Variants in GAS2L3 observed in about 807,000 individuals in gnomAD.
The protein encoded by GAS2L3 is GAS2-like protein 3.
GAS2L3 carries 28 observed loss-of-function variants against 37.0 expected under a neutral mutation model. That is an observed-to-expected ratio of 0.76 (90% CI 0.56 to 1.04). The LOEUF is 1.04. GAS2L3 is among the 50% of genes least tolerant of loss of function. GAS2L3 has a pLI of 0.00. For missense variants in GAS2L3, 793 were observed against 817.6 expected, an observed-to-expected ratio of 0.97 and a Z score of 0.37; for synonymous variants, 290 against 296.6, an observed-to-expected ratio of 0.98 and a Z score of 0.23.
Position 100,600,423 on chromosome 12 carries a change from T to A in GAS2L3, c.60T>A (p.Pro20=), listed in dbSNP as rs75592061. 1,864 of 1,609,336 alleles carry A rather than the reference T, an allele frequency of 1.2e-3. 15 individuals carry two copies. In the East Asian group the frequency reaches 0.022, roughly 19 times the overall value. ...GEDLPLSPRS[P]LTPRHGPGLA... is the part of the protein sequence containing the mutation. ...ATCTGCCTCTAAGTCCTCGGAGTCCTCTGACTCCCAGACACGGACCAGGAT... is the reference window on the plus strand; with the variant it reads ...ATCTGCCTCTAAGTCCTCGGAGTCCACTGACTCCCAGACACGGACCAGGAT... Residue 20 remains proline (P), a synonymous_variant, in exon 4 of 10, where the codon CCT becomes CCA. Coordinates refer to ENST00000547754, the MANE Select transcript of GAS2L3 (RefSeq NM_174942.3).
At chr12:100,599,724 G>A (rs114832172) in intron 3 of GAS2L3, among the ~76,000 whole-genome samples, 141 of 152,238 alleles carry the variant, frequency 9.3e-4, no homozygotes, top group African/African-American at 3.3e-3. Flanking sequence ...AATGCCAGAT[G>A]CTACAAACAT....
intron 6 of GAS2L3, among the ~76,000 whole-genome samples, chr12:100,614,682 C>A (rs1956165674): frequency 6.6e-6 from 1 of 152,144 alleles, no homozygotes; most frequent in South Asian, 2.1e-4. Flanking sequence ...CAATTAGTCC[C>A]AGTTATTCTC....
At chr12:100,613,285 A>T (rs543370646) in intron 6 of GAS2L3, among the ~76,000 whole-genome samples, 7 of 152,194 alleles carry the variant, frequency 4.6e-5, no homozygotes, top group Non-Finnish European at 1.0e-4. Flanking sequence ...CACTGCCAAT[A>T]CCAGTAATTC....
Position 100,625,539 on chromosome 12 carries a change from C to A in GAS2L3, c.*649C>A, listed in dbSNP as rs1317134800. ...TATTTACATTGGTAATATTTTGTCA[C>A]CAATATTTTTGGTTAAAAAAAATCC... is the stretch of plus-strand genomic sequence containing the variant. On this transcript the variant is annotated 3_prime_UTR_variant, in exon 10 of 10. Transcript: ENST00000547754. The A allele has an allele frequency of 6.6e-6, 1 of 151,726 alleles. No individual in the cohort carries two copies. The highest frequency in any genetic ancestry group is 1.5e-5 in the Non-Finnish European group (1 of 67,960). 9.4% of individuals were successfully genotyped at this position (151,726 alleles called of 1,614,324 possible).
At chr12:100,606,781 C>A (rs1473145432) in intron 5 of GAS2L3, among the ~76,000 whole-genome samples, 4 of 151,866 alleles carry the variant, frequency 2.6e-5, no homozygotes, top group South Asian at 2.1e-4. Context: ...CTAACTTTAT[C>A]CCCTTGCTTT....
chr12:100,623,725 C>G lies in GAS2L3; in HGVS notation c.920C>G (p.Ser307Trp), dbSNP rs778139968. ...KGVSNESVPD[S>W]PARTPQPPEM... ...GTTTCTAATGAAAGTGTACCTGATT[C>G]GCCTGCCAGAACACCTCAGCCTCCT... Residue 307 changes from serine to tryptophan, a missense_variant, in exon 10 of 10, where the codon TCG (serine) becomes TGG (tryptophan). By Grantham distance (177) the Ser-to-Trp change is radical (BLOSUM62 -3). Coordinates refer to ENST00000547754, the MANE Select transcript of GAS2L3 (RefSeq NM_174942.3). 3 of 1,613,742 alleles carry G rather than the reference C, an allele frequency of 1.9e-6. No homozygotes were observed. Among genetic ancestry groups the G allele is most frequent in the South Asian group, 2.2e-5 (2 of 91,074 alleles).
rs1265288920 is a variant in GAS2L3, at chr12:100,624,900, CATT to C, written c.*13_*15del. On this transcript the variant is annotated 3_prime_UTR_variant, in exon 10 of 10. Coordinates refer to ENST00000547754, the MANE Select transcript of GAS2L3 (RefSeq NM_174942.3). ...GAAACCTAGAAAATAAATACATACT[CATT>C]ATAAAAAAAGAGAAAAGGAAGAATG... is the stretch of plus-strand genomic sequence containing the variant. 2.0e-6 allele frequency: 3 copies of C among 1,519,014 alleles called. No individual in the cohort carries two copies. The African/African-American group carries it at 4.2e-5, about 21-fold the overall frequency. The allele number at this position is 1,519,014 out of a possible 1,614,324, so 94.1% of individuals were successfully genotyped here.
chr12:100,610,433 A>T (rs955822706), intron 5 of GAS2L3, among the ~76,000 whole-genome samples: 1 of 152,122 alleles, frequency 6.6e-6, no homozygotes, highest in Non-Finnish European at 1.5e-5. Context: ...AGATACAAAT[A>T]TGTGTGTAGT....
chr12:100,610,573 C>T (rs1160926774), intron 5 of GAS2L3, among the ~76,000 whole-genome samples: 1 of 150,312 alleles, frequency 6.7e-6, no homozygotes, highest in Non-Finnish European at 1.5e-5. Flanking sequence ...AAAAAAAACT[C>T]CTAACGTTAT....
chr12:100,608,553 G>T (rs7306116), intron 5 of GAS2L3, among the ~76,000 whole-genome samples: 24,390 of 151,852 alleles, frequency 0.16, 2,840 homozygotes, highest in East Asian at 0.48. Context: ...ACGGAGTCTC[G>T]CTCTGTCGCC....
chr12:100,590,196 C>T lies in GAS2L3; in HGVS notation c.-151-1540C>T, dbSNP rs141899404. On this transcript the variant is annotated intron_variant, in intron 1 of 9. Coordinates refer to ENST00000547754, the MANE Select transcript of GAS2L3 (RefSeq NM_174942.3). ...ACAAAGGACTAATATCCAGAATCTA[C>T]AACAAACTCAGACAAATCAGTAAGA... Among the ~76,000 whole-genome samples the T allele has an allele frequency of 3.2e-3, 484 of 152,246 alleles. 9 individuals are homozygous for T. Among genetic ancestry groups the T allele is most frequent in the African/African-American group, 0.011 (468 of 41,556 alleles).
rs955131433 is a variant in GAS2L3, at chr12:100,625,823, TAG to T, written c.*936_*937del. ...AATTAAGATGATGTTAAAATAATTTTAGAGTTATGCTATGTAAAAATTCTATC... is the reference window on the plus strand; with the variant it reads ...AATTAAGATGATGTTAAAATAATTTTAGTTATGCTATGTAAAAATTCTATC... On this transcript the variant is annotated 3_prime_UTR_variant, in exon 10 of 10. Coordinates refer to ENST00000547754, the MANE Select transcript of GAS2L3 (RefSeq NM_174942.3). The T allele has an allele frequency of 2.0e-5, 3 of 152,250 alleles. No individual in the cohort carries two copies. Among genetic ancestry groups the T allele is most frequent in the Admixed American group, 6.5e-5 (1 of 15,284 alleles). The allele number at this position is 152,250 out of a possible 1,614,324, so 9.4% of individuals were successfully genotyped here. A position where few individuals can be genotyped will look rare whatever the true frequency, so the allele number is the denominator to read the frequency against.
chr12:100,575,174 A>G (rs1955619757), intron 1 of GAS2L3, among the ~76,000 whole-genome samples: 1 of 152,072 alleles, frequency 6.6e-6, no homozygotes. Context: ...CACGTAACTA[A>G]TTTAGCACAG....
chr12:100,578,386 G>A (rs1468515114), intron 1 of GAS2L3, among the ~76,000 whole-genome samples: 1 of 152,220 alleles, frequency 6.6e-6, no homozygotes, highest in Non-Finnish European at 1.5e-5. Context: ...ATGAATGATA[G>A]ATGTACAAAG....
intron 8 of GAS2L3, among the ~76,000 whole-genome samples, chr12:100,620,669 A>G (rs1956241522): frequency 6.6e-6 from 1 of 152,068 alleles, no homozygotes; most frequent in African/African-American, 2.4e-5. Flanking sequence ...TGATCTACAG[A>G]TATCTTGGAA....
intron 6 of GAS2L3, among the ~76,000 whole-genome samples, chr12:100,613,495 T>A (rs1011986885): frequency 1.3e-5 from 2 of 152,234 alleles, no homozygotes; most frequent in African/African-American, 2.4e-5. Context: ...GTATGAATTT[T>A]AAACTCAAAT....
At chr12:100,611,368 T>G (rs1956124890) in intron 5 of GAS2L3, 2 of 152,256 alleles carry the variant, frequency 1.3e-5, no homozygotes, top group African/African-American at 4.8e-5. Flanking sequence ...TTTGCAATTA[T>G]TAGGCTGTCA....
chr12:100,583,726 C>T (rs183596759), intron 1 of GAS2L3, among the ~76,000 whole-genome samples: 1 of 152,240 alleles, frequency 6.6e-6, no homozygotes, highest in Admixed American at 6.5e-5. Flanking sequence ...GCCTTGGCCT[C>T]TCAAAGTGCT....
chr12:100,616,207 G>A (rs1375647585), intron 6 of GAS2L3, among the ~76,000 whole-genome samples: 2 of 152,026 alleles, frequency 1.3e-5, no homozygotes, highest in Admixed American at 1.3e-4. Flanking sequence ...CTGTGATTAG[G>A]TTTACTTCTA....
Sources: allele counts gnomAD v4.1 joint callset (sites outside exome capture counted in the v4.1 genomes callset), GRCh38; gene constraint gnomAD v4.1.1; transcripts MANE v1.5; gene names NCBI Gene and HGNC (gene_info 2026-07-23, HGNC 2026-07-21).